Variants in RARB observed in about 807,000 individuals in gnomAD.
The protein encoded by RARB is retinoic acid receptor beta, also known as HBV-activated protein.
Under a neutral mutation model 51.9 loss-of-function variants are expected in RARB, and 17 were observed. The observed-to-expected ratio is 0.33, with a 90% CI of 0.22 to 0.49. RARB has a LOEUF of 0.49. RARB is among the 20% of genes least tolerant of loss of function. The probability of loss-of-function intolerance (pLI) is 0.99; values close to 1 mark genes in which losing one functional copy is unlikely to be tolerated. For synonymous variants in RARB, 215 were observed against 195.4 expected (o/e 1.10, Z -0.84); for missense variants, 369 against 550.8 (o/e 0.67, Z 3.30).
intron 3 of RARB, among the ~76,000 whole-genome samples, chr3:25,106,442 C>CTGTTTTT (rs1699501402): frequency 1.3e-5 from 1 of 78,672 alleles, no homozygotes; most frequent in Non-Finnish European, 2.4e-5. Flanking sequence ...TGCCCAGCTA[C>CTGTTTTT]TGTTTTTTGT....
chr3:25,131,003 ATTAT>A (rs1156466006), intron 3 of RARB, among the ~76,000 whole-genome samples: 1 of 23,756 alleles, frequency 4.2e-5, no homozygotes, highest in African/African-American at 1.8e-4. Flanking sequence ...ATATTTATTT[ATTAT>A]TTATCAATGA....
intron 5 of RARB, among the ~76,000 whole-genome samples, chr3:25,382,947 A>G (rs780893027): frequency 1.1e-4 from 17 of 152,140 alleles, no homozygotes; most frequent in Non-Finnish European, 2.4e-4. Context: ...GTGGGTCATA[A>G]CTTTCCCTCA....
chr3:25,468,303 C>T (rs775649434), intron 2 of RARB, among the ~76,000 whole-genome samples: 1 of 150,774 alleles, frequency 6.6e-6, no homozygotes, highest in Non-Finnish European at 1.5e-5. Context: ...GTTTGTACGT[C>T]CAAGTGTGGA....
chr3:25,362,026 C>A (rs1252067895), intron 5 of RARB, among the ~76,000 whole-genome samples: 1 of 152,214 alleles, frequency 6.6e-6, no homozygotes, highest in Non-Finnish European at 1.5e-5. Context: ...AGATCCACTG[C>A]TCTCTTTAGA....
intron 2 of RARB, among the ~76,000 whole-genome samples, chr3:25,495,865 C>T (rs1697000770): frequency 1.3e-5 from 2 of 152,132 alleles, no homozygotes; most frequent in South Asian, 4.1e-4. Flanking sequence ...CAACAGAATT[C>T]ATTATTAAGC....
intron 2 of RARB, among the ~76,000 whole-genome samples, chr3:24,943,528 A>C (rs1559405815): frequency 6.6e-6 from 1 of 152,202 alleles, no homozygotes; most frequent in African/African-American, 2.4e-5. Flanking sequence ...CATGCTAAGC[A>C]TTCTGAGCTT....
intron 3 of RARB, among the ~76,000 whole-genome samples, chr3:25,066,907 GC>G (rs1422534094): frequency 1.3e-5 from 2 of 152,142 alleles, no homozygotes; most frequent in African/African-American, 4.8e-5. Flanking sequence ...CGGTGCTGAA[GC>G]AGAATGACCC....
intron 2 of RARB, among the ~76,000 whole-genome samples, chr3:24,908,326 T>A (rs534612810): frequency 6.6e-6 from 1 of 152,310 alleles, no homozygotes; most frequent in South Asian, 2.1e-4. Flanking sequence ...TTTTTGCAAA[T>A]GCCTATTTTT....
intron 5 of RARB, among the ~76,000 whole-genome samples, chr3:25,181,499 T>G (rs1216613968): frequency 6.6e-6 from 1 of 152,136 alleles, no homozygotes; most frequent in Non-Finnish European, 1.5e-5. Context: ...CCATGCTCAT[T>G]GGGAGCGCTG....
intron 1 of RARB, among the ~76,000 whole-genome samples, chr3:24,833,427 G>A (rs1240451892): frequency 1.3e-5 from 2 of 152,074 alleles, no homozygotes; most frequent in Non-Finnish European, 2.9e-5. Flanking sequence ...CCCAGCTTCC[G>A]CTTTAGGTAA....
At chr3:25,360,522 G>A (rs548603170) in intron 5 of RARB, among the ~76,000 whole-genome samples, 4 of 152,164 alleles carry the variant, frequency 2.6e-5, no homozygotes, top group Non-Finnish European at 5.9e-5. Flanking sequence ...TAATTATGAT[G>A]CCAGCTGGTT....
chr3:25,409,790 G>A (rs746307427), intron 5 of RARB, among the ~76,000 whole-genome samples: 9 of 152,102 alleles, frequency 5.9e-5, no homozygotes, highest in African/African-American at 1.4e-4. Context: ...AAATTTTACC[G>A]CACATGTCAC....
At chr3:25,152,288 C>T (rs1265101346) in intron 4 of RARB, among the ~76,000 whole-genome samples, 1 of 149,940 alleles carries the variant, frequency 6.7e-6, no homozygotes, top group South Asian at 2.3e-4. Flanking sequence ...TTTAGGAAAA[C>T]TTGGCTAAAA....
intron 1 of RARB, among the ~76,000 whole-genome samples, chr3:24,848,871 C>T (rs1396106289): frequency 6.6e-6 from 1 of 152,160 alleles, no homozygotes; most frequent in Admixed American, 6.5e-5. Context: ...ACTGTCTATG[C>T]CTTATGGCCA....
intron 5 of RARB, among the ~76,000 whole-genome samples, chr3:25,292,457 C>T (rs962969479): frequency 3.3e-5 from 5 of 152,074 alleles, no homozygotes; most frequent in African/African-American, 9.7e-5. Context: ...TGCTATGCCC[C>T]GTCTTCCTTT....
chr3:25,262,985 A>G (rs755440302), intron 5 of RARB, among the ~76,000 whole-genome samples: 5 of 152,158 alleles, frequency 3.3e-5, no homozygotes, highest in Non-Finnish European at 7.3e-5. Context: ...TCCCTGCCTT[A>G]AGAGTAAATA....
At chr3:25,128,224 G>C (rs1379694570) in intron 3 of RARB, among the ~76,000 whole-genome samples, 3 of 151,960 alleles carry the variant, frequency 2.0e-5, no homozygotes, top group Non-Finnish European at 4.4e-5. Flanking sequence ...GTGCATTTTG[G>C]AATCTCCTAA....
chr3:24,909,466 A>G (rs1291865047), intron 2 of RARB, among the ~76,000 whole-genome samples: 1 of 151,956 alleles, frequency 6.6e-6, no homozygotes, highest in Non-Finnish European at 1.5e-5. Context: ...GAAAGAACAG[A>G]GTGTGCACAC....
intron 5 of RARB, among the ~76,000 whole-genome samples, chr3:25,199,440 AAG>A (rs749626086): frequency 7.2e-5 from 11 of 152,182 alleles, no homozygotes; most frequent in South Asian, 4.1e-4. Flanking sequence ...AAAAATGACT[AAG>A]AGTATAATTG....
Sources: allele counts gnomAD v4.1 joint callset (sites outside exome capture counted in the v4.1 genomes callset), GRCh38; gene constraint gnomAD v4.1.1; transcripts MANE v1.5; gene names NCBI Gene and HGNC (gene_info 2026-07-23, HGNC 2026-07-21).